ABTB3: variants seen among roughly 807,000 people sequenced by gnomAD.
ABTB3 encodes the protein ankyrin repeat- and BTB/POZ domain-containing protein 3.
chr12:107,642,504 G>A, the ABTB3 span, among the ~76,000 whole-genome samples: 1 of 152,118 alleles, frequency 6.6e-6, no homozygotes, highest in Non-Finnish European at 1.5e-5. Flanking sequence ...TACTCGAGGC[G>A]TGAGCCAACA....
the ABTB3 span, among the ~76,000 whole-genome samples, chr12:107,494,191 C>T: frequency 2.0e-5 from 3 of 152,144 alleles, no homozygotes; most frequent in Non-Finnish European, 4.4e-5. Context: ...TTCATATGAG[C>T]ATTGGATCCT....
At chr12:107,624,744 A>T in the ABTB3 span, among the ~76,000 whole-genome samples, 1 of 152,250 alleles carries the variant, frequency 6.6e-6, no homozygotes, top group Non-Finnish European at 1.5e-5. Context: ...GTTGAAGGAC[A>T]TCGGAGTTGT....
chr12:107,658,127 C>T, the ABTB3 span: 4 of 167,232 alleles, frequency 2.4e-5, no homozygotes, highest in Non-Finnish European at 5.2e-5. Context: ...CTTCAGCAAA[C>T]GTCAACCATG....
chr12:107,456,327 G>A, the ABTB3 span, among the ~76,000 whole-genome samples: 162 of 152,346 alleles, frequency 1.1e-3, no homozygotes, highest in Non-Finnish European at 1.7e-3. Context: ...GTGAGTGGCA[G>A]GCAAGCAAGC....
At chr12:107,532,737 T>G in the ABTB3 span, among the ~76,000 whole-genome samples, 1 of 152,106 alleles carries the variant, frequency 6.6e-6, no homozygotes, top group African/African-American at 2.4e-5. Context: ...AACTGTCAAA[T>G]GTCAAAGACA....
the ABTB3 span, among the ~76,000 whole-genome samples, chr12:107,389,880 G>GTGTA: frequency 6.8e-4 from 92 of 134,762 alleles, 1 homozygote; most frequent in African/African-American, 2.3e-3. Context: ...GTGTGTGTGT[G>GTGTA]TGTATGTATC....
the ABTB3 span, among the ~76,000 whole-genome samples, chr12:107,387,319 C>T: frequency 7.0e-3 from 1,066 of 152,318 alleles, 15 homozygotes; most frequent in African/African-American, 0.021. Context: ...ATTCTCCCCC[C>T]ACCCTTGAGC....
chr12:107,626,402 G>A, the ABTB3 span, among the ~76,000 whole-genome samples: 2 of 139,496 alleles, frequency 1.4e-5, no homozygotes, highest in Non-Finnish European at 1.5e-5. Flanking sequence ...CTAGAGTGTA[G>A]TGGTGCGATC....
chr12:107,353,604 G>C, the ABTB3 span, among the ~76,000 whole-genome samples: 1 of 152,148 alleles, frequency 6.6e-6, no homozygotes, highest in Non-Finnish European at 1.5e-5. Flanking sequence ...GTGCTTAGTA[G>C]GGTGTTTACT....
chr12:107,610,427 G>A, the ABTB3 span: 1 of 1,568,494 alleles, frequency 6.4e-7, no homozygotes, highest in East Asian at 2.3e-5. Flanking sequence ...GACAGAGACA[G>A]CCGGTGAATC....
chr12:107,331,893 G>A, the ABTB3 span, among the ~76,000 whole-genome samples: 3 of 148,812 alleles, frequency 2.0e-5, no homozygotes, highest in Admixed American at 2.0e-4. Context: ...CCTCCCCCCC[G>A]CCCCACCTCT....
the ABTB3 span, among the ~76,000 whole-genome samples, chr12:107,341,997 C>T: frequency 5.3e-5 from 8 of 152,336 alleles, no homozygotes; most frequent in South Asian, 1.5e-3. Flanking sequence ...CTACAGCCTG[C>T]AGAACCATGA....
At chr12:107,353,094 G>T in the ABTB3 span, among the ~76,000 whole-genome samples, 1 of 152,166 alleles carries the variant, frequency 6.6e-6, no homozygotes, top group Non-Finnish European at 1.5e-5. Context: ...TGGCTTAGTG[G>T]CCACACTCAA....
the ABTB3 span, among the ~76,000 whole-genome samples, chr12:107,460,989 A>C: frequency 6.6e-6 from 1 of 152,176 alleles, no homozygotes; most frequent in East Asian, 1.9e-4. Context: ...AAGACTGGGT[A>C]ATTTATAAAG....
chr12:107,323,657 A>G, the ABTB3 span, among the ~76,000 whole-genome samples: 2 of 152,198 alleles, frequency 1.3e-5, no homozygotes, highest in Admixed American at 6.5e-5. Flanking sequence ...TGTATGTGCT[A>G]GTCATTGTAC....
chr12:107,650,495 G>A, the ABTB3 span: 2 of 152,242 alleles, frequency 1.3e-5, no homozygotes, highest in African/African-American at 4.8e-5. Flanking sequence ...CGAGGATGTG[G>A]GCTTATTTGT....
chr12:107,583,339 C>G, the ABTB3 span, among the ~76,000 whole-genome samples: 4 of 152,316 alleles, frequency 2.6e-5, no homozygotes, highest in South Asian at 8.3e-4. Flanking sequence ...TTAATACTTT[C>G]TCATAACAGC....
the ABTB3 span, among the ~76,000 whole-genome samples, chr12:107,501,169 T>G: frequency 2.0e-5 from 3 of 152,298 alleles, no homozygotes; most frequent in South Asian, 6.2e-4. Flanking sequence ...AGCATTAACA[T>G]TGAATAGTGC....
chr12:107,342,338 G>C, the ABTB3 span, among the ~76,000 whole-genome samples: 1 of 152,114 alleles, frequency 6.6e-6, no homozygotes, highest in Non-Finnish European at 1.5e-5. Flanking sequence ...AGGAAAGGGA[G>C]AAGAGAGCTG....
Sources: allele counts gnomAD v4.1 joint callset (sites outside exome capture counted in the v4.1 genomes callset), GRCh38; gene constraint gnomAD v4.1.1; transcripts MANE v1.5; gene names NCBI Gene and HGNC (gene_info 2026-07-23, HGNC 2026-07-21).